The following PAQR8 variants were observed in gnomAD, a reference collection of about 807,000 sequenced individuals.
PAQR8 encodes progestin and adipoQ receptor family member 8.
A neutral mutation model predicts 25.2 loss-of-function variants in PAQR8; 17 were observed. That is an observed-to-expected ratio of 0.67 (90% confidence interval 0.46 to 1.01). The LOEUF (loss-of-function observed/expected upper bound fraction) is 1.01, where lower values mean the gene tolerates loss of function less well. Among genes scored for constraint, PAQR8 ranks in the 50% least tolerant of loss-of-function variants. The pLI, the probability that PAQR8 is intolerant of heterozygous loss-of-function variation, is 0.00. For synonymous variants in PAQR8, 204 were observed against 190.6 expected (o/e 1.07, Z -0.58); for missense variants, 392 against 448.4 (o/e 0.87, Z 1.14).
Position 52,406,733 on chromosome 6 carries a change from T to G in PAQR8, c.*2455T>G. On this transcript the variant is annotated 3_prime_UTR_variant, in exon 2 of 2. Coordinates refer to ENST00000442253, the MANE Select transcript of PAQR8 (RefSeq NM_133367.5). Reference sequence around the variant, plus strand: ...GCGTGCCACCACACCTGGCTAATTTTTGCATTTTTTGTAGAGACAGGGTTT... The same window carrying G: ...GCGTGCCACCACACCTGGCTAATTTGTGCATTTTTTGTAGAGACAGGGTTT... The G allele has an allele frequency of 5.0e-6, 2 of 400,162 alleles. No homozygotes were observed. The highest frequency in any genetic ancestry group is 9.1e-6 in the Non-Finnish European group (2 of 220,256). The allele number at this position is 400,162 out of a possible 1,614,324, so 24.8% of individuals were successfully genotyped here.
At chr6:52,363,959 C>T (rs557790410) in intron 1 of PAQR8, among the ~76,000 whole-genome samples, 1 of 152,152 alleles carries the variant, frequency 6.6e-6, no homozygotes, top group East Asian at 1.9e-4. Flanking sequence ...GACTATCTTA[C>T]ATTAACCCAT....
At chr6:52,390,017 T>C (rs554279569) in intron 1 of PAQR8, among the ~76,000 whole-genome samples, 8 of 152,320 alleles carry the variant, frequency 5.3e-5, no homozygotes, top group African/African-American at 9.6e-5. Flanking sequence ...TAGGCTTTAA[T>C]TAGTGGGAGT....
chr6:52,364,795 G>T (rs996529770), intron 1 of PAQR8, among the ~76,000 whole-genome samples: 1 of 152,186 alleles, frequency 6.6e-6, no homozygotes, highest in African/African-American at 2.4e-5. Context: ...TTTAGTAATG[G>T]CATGGAGTAT....
rs571199916 is a variant in PAQR8 at position 52,362,857 on chromosome 6, G to A, written c.-53+608G>A. Among the ~76,000 whole-genome samples the A allele has an allele frequency of 6.6e-6, 1 of 152,174 alleles. No homozygotes were observed. Among genetic ancestry groups the A allele is most frequent in the Admixed American group, 6.5e-5 (1 of 15,282 alleles). On this transcript the variant is annotated intron_variant, in intron 1 of 1. Transcript: ENST00000442253. This position sits in a 1 kb window ranked among gnomAD's most constrained non-coding sequence, Gnocchi z 4.1. ...GTGGGTCTAGGCATGTGCTTTCGCC[G>A]GGGAAAGATGGAGGGGGCTTCTCTG...
rs1455903407 is a variant in PAQR8 at position 52,406,376 on chromosome 6, C to T, written c.*2098C>T. 2.4e-6 allele frequency: 1 copy of T among 411,828 alleles called. No individual in the cohort carries two copies. Among genetic ancestry groups the T allele is most frequent in the East Asian group, 3.6e-5 (1 of 28,042 alleles). 25.5% of individuals were successfully genotyped at this position (411,828 alleles called of 1,614,324 possible). On this transcript the variant is annotated 3_prime_UTR_variant, in exon 2 of 2. Coordinates refer to ENST00000442253, the MANE Select transcript of PAQR8 (RefSeq NM_133367.5). ...GTATTGTGGGCAGAGATCTTTAGTTCAAATCCACGTATTTTTTAAAAGAGA... is the reference window on the plus strand; with the variant it reads ...GTATTGTGGGCAGAGATCTTTAGTTTAAATCCACGTATTTTTTAAAAGAGA...
chr6:52,406,036 G>C lies in PAQR8; in HGVS notation c.*1758G>C, dbSNP rs899810946. On this transcript the variant is annotated 3_prime_UTR_variant, in exon 2 of 2. Transcript: ENST00000442253. Reference sequence around the variant, plus strand: ...TCTTGTCAGCTACATTGTTTTCTTAGATGGATTTCTCCTGTTAATCCTCAA... The same window carrying C: ...TCTTGTCAGCTACATTGTTTTCTTACATGGATTTCTCCTGTTAATCCTCAA... 1 of 167,526 alleles carries C rather than the reference G, an allele frequency of 6.0e-6. No homozygotes were observed. 10.4% of individuals were successfully genotyped at this position (167,526 alleles called of 1,614,324 possible). A position where few individuals can be genotyped will look rare whatever the true frequency, so the allele number is the denominator to read the frequency against.
At chr6:52,382,409 G>C (rs1763571722) in intron 1 of PAQR8, among the ~76,000 whole-genome samples, 1 of 152,180 alleles carries the variant, frequency 6.6e-6, no homozygotes, top group Non-Finnish European at 1.5e-5. Context: ...CTGCAGCCTA[G>C]GGTGTCGGAG....
chr6:52,384,315 A>G (rs537692327), intron 1 of PAQR8, among the ~76,000 whole-genome samples: 2 of 152,368 alleles, frequency 1.3e-5, no homozygotes, highest in South Asian at 2.1e-4. Context: ...TTTCTATAGC[A>G]GTACACAGTA....
intron 1 of PAQR8, among the ~76,000 whole-genome samples, chr6:52,372,593 T>TTCTCTCTCTCTTTCTTTC (rs1763432081): frequency 6.6e-6 from 1 of 152,058 alleles, no homozygotes; most frequent in Non-Finnish European, 1.5e-5. Context: ...TTACATGTAT[T>TTCTCTCTCTCTTTCTTTC]TCTCTCTCTC....
intron 1 of PAQR8, among the ~76,000 whole-genome samples, chr6:52,387,481 A>G (rs1763646535): frequency 6.6e-6 from 1 of 152,256 alleles, no homozygotes; most frequent in African/African-American, 2.4e-5. Flanking sequence ...ACAATCAAGT[A>G]ACACAAGCTA....
intron 1 of PAQR8, among the ~76,000 whole-genome samples, chr6:52,379,116 A>AAT (rs1763521602): frequency 6.6e-6 from 1 of 151,306 alleles, no homozygotes; most frequent in South Asian, 2.1e-4. Context: ...AAAAAAAAAA[A>AAT]AAGGAAATTC....
intron 1 of PAQR8, among the ~76,000 whole-genome samples, chr6:52,380,921 A>G (rs1443409789): frequency 6.6e-6 from 1 of 152,240 alleles, no homozygotes; most frequent in Non-Finnish European, 1.5e-5. Flanking sequence ...AGAGGTTTGC[A>G]TCCTTGGATA....
intron 1 of PAQR8, among the ~76,000 whole-genome samples, chr6:52,400,822 A>C (rs911085886): frequency 1.3e-4 from 20 of 152,126 alleles, no homozygotes; most frequent in African/African-American, 4.6e-4. Context: ...CTCCCCAGTA[A>C]ACTTTGATCT....
chr6:52,368,481 T>A (rs1049652292), intron 1 of PAQR8, among the ~76,000 whole-genome samples: 37 of 152,178 alleles, frequency 2.4e-4, no homozygotes, highest in Admixed American at 1.9e-3. Context: ...GCATGACTTG[T>A]ATTTAAAAAA....
chr6:52,372,587 A>G (rs60310591), intron 1 of PAQR8, among the ~76,000 whole-genome samples: 1 of 151,934 alleles, frequency 6.6e-6, no homozygotes, highest in African/African-American at 2.4e-5. Flanking sequence ...AGAGTTTTAC[A>G]TGTATTTCTC....
At chr6:52,378,315 A>G (rs1007813175) in intron 1 of PAQR8, among the ~76,000 whole-genome samples, 1 of 152,238 alleles carries the variant, frequency 6.6e-6, no homozygotes, top group Admixed American at 6.5e-5. Flanking sequence ...GGGTGCAGCC[A>G]TTTACTGAGA....
chr6:52,395,899 G>A (rs906387501), intron 1 of PAQR8, among the ~76,000 whole-genome samples: 5 of 152,122 alleles, frequency 3.3e-5, no homozygotes, highest in Non-Finnish European at 7.4e-5. Context: ...CTTAGGCATA[G>A]CCACACACCT....
At chr6:52,376,483 CAGAGCAAGGA>C (rs1763486289) in intron 1 of PAQR8, among the ~76,000 whole-genome samples, 1 of 152,134 alleles carries the variant, frequency 6.6e-6, no homozygotes, top group Non-Finnish European at 1.5e-5. Flanking sequence ...GCTCTGATTT[CAGAGCAAGGA>C]CAGGCAGAGA....
In PAQR8 at chr6:52,403,469, G is replaced by T; in HGVS notation, c.256G>T (p.Ala86Ser). Reference sequence around the variant, plus strand: ...CAACGTCTGGACCCATTTACTGGCAGCCCTGGCCGTCCTCTTGCGATTCTG... The same window carrying T: ...CAACGTCTGGACCCATTTACTGGCATCCCTGGCCGTCCTCTTGCGATTCTG... ...VVNVWTHLLA[A>S]LAVLLRFWAF... Residue 86 changes from alanine (A) to serine (S), a missense_variant, in exon 2 of 2, where the codon GCC (alanine) becomes TCC (serine). Physicochemically the swap from Ala to Ser is moderately conservative, Grantham distance 99. Transcript: ENST00000442253. The T allele has an allele frequency of 6.2e-7, 1 of 1,614,194 alleles. No homozygotes were observed. The highest frequency in any genetic ancestry group is 1.3e-5 in the African/African-American group (1 of 75,072).
Sources: gnomAD v4.1 joint callset for allele counts (sites outside exome capture counted in the v4.1 genomes callset) on GRCh38, gnomAD v4.1.1 for gene constraint, Gnocchi (gnomAD v3.1) non-coding constraint, MANE v1.5 for transcripts, NCBI Gene and HGNC (gene_info 2026-07-23, HGNC 2026-07-21) for gene names.